The following PPP2CA variants were observed in gnomAD, a reference collection of about 807,000 sequenced individuals.
PPP2CA encodes protein phosphatase 2 catalytic subunit alpha.
In PPP2CA, 5 loss-of-function variants were observed where a neutral mutation model predicts 38.8. The ratio of observed to expected loss-of-function variants is 0.13; its 90% CI spans 0.07 to 0.27. The LOEUF (loss-of-function observed/expected upper bound fraction) is 0.27. PPP2CA is among the 10% of genes least tolerant of loss of function. PPP2CA has a pLI of 1.00. For missense variants in PPP2CA, 88 were observed against 389.7 expected (o/e 0.23, Z 6.52); for synonymous variants, 152 against 134.0 (o/e 1.13, Z -0.93).
intron 1 of PPP2CA, among the ~76,000 whole-genome samples, chr5:134,224,850 A>G (rs1203539044): frequency 6.6e-6 from 1 of 152,272 alleles, no homozygotes; most frequent in East Asian, 1.9e-4. Context: ...CTGGAATACA[A>G]TCTCAGTCGA....
chr5:134,212,674 A>G (rs1303638584), intron 1 of PPP2CA, among the ~76,000 whole-genome samples: 5 of 152,256 alleles, frequency 3.3e-5, no homozygotes, highest in Non-Finnish European at 7.3e-5. Flanking sequence ...ACAGGCCTAA[A>G]GGTAGGCTTC....
intron 1 of PPP2CA, among the ~76,000 whole-genome samples, chr5:134,212,555 C>A (rs1042235144): frequency 3.6e-4 from 55 of 152,060 alleles, no homozygotes; most frequent in African/African-American, 1.2e-3. Context: ...AATTAATAAC[C>A]CTACAATGGC....
At chr5:134,223,606 T>G (rs1367103729) in intron 1 of PPP2CA, among the ~76,000 whole-genome samples, 2 of 152,200 alleles carry the variant, frequency 1.3e-5, no homozygotes, top group Non-Finnish European at 2.9e-5. Flanking sequence ...CAATGGAGAT[T>G]TACCTCACTA....
intron 5 of PPP2CA, among the ~76,000 whole-genome samples, chr5:134,199,916 T>C (rs1761938789): frequency 6.6e-6 from 1 of 152,210 alleles, no homozygotes; most frequent in Middle Eastern, 3.2e-3. Flanking sequence ...TTTGCCTCTT[T>C]CCCTTCTTTC....
In PPP2CA at chr5:134,225,802, G is replaced by A; in HGVS notation, c.60C>T (p.Cys20=). The A allele has an allele frequency of 4.3e-6, 7 of 1,610,896 alleles. No homozygotes were observed. Among genetic ancestry groups the A allele is most frequent in the Non-Finnish European group, 5.1e-6 (6 of 1,179,204 alleles). The change falls in exon 1 of 7, where the codon TGC becomes TGT. Residue 20 remains cysteine (C), a synonymous_variant. Transcript: ENST00000481195. ...LDQWIEQLNE[C]KQLSESQVKS... is the part of the protein sequence containing the mutation. ...TGACCTGGGACTCGGACAGCTGCTTGCACTCGTTCAGCTGCTCGATCCACT... is the reference window on the plus strand; with the variant it reads ...TGACCTGGGACTCGGACAGCTGCTTACACTCGTTCAGCTGCTCGATCCACT...
chr5:134,197,800 G>A lies in PPP2CA; in HGVS notation c.902C>T (p.Thr301Ile). Residue 301 changes from threonine to isoleucine, a missense_variant, in exon 7 of 7, where the codon ACT (threonine) becomes ATT (isoleucine). Coordinates refer to ENST00000481195, the MANE Select transcript of PPP2CA (RefSeq NM_002715.4). Reference protein sequence around the residue: ...PAPRRGEPHVTRRTPDYFL With the variant: ...PAPRRGEPHVIRRTPDYFL ...CAGGAAGTAGTCTGGGGTACGACGA[G>A]TAACATGTGGCTCGCCTCTACGAGG... is the stretch of plus-strand genomic sequence containing the variant. 1 of 1,614,114 alleles carries A rather than the reference G, an allele frequency of 6.2e-7. No individual in the cohort carries two copies. The highest frequency in any genetic ancestry group is 8.5e-7 in the Non-Finnish European group (1 of 1,179,990).
At chr5:134,216,051 G>C (rs748501070) in intron 1 of PPP2CA, among the ~76,000 whole-genome samples, 1 of 152,118 alleles carries the variant, frequency 6.6e-6, no homozygotes, top group Non-Finnish European at 1.5e-5. Context: ...TTCATCAGAT[G>C]TCCAGCAAAA....
rs1761957513 is a variant in PPP2CA, at chr5:134,200,982, T to C, written c.576+3A>G. ...AAAGAATTTTATCAAATAAAAGTCA[T>C]ACCTCATGGGGAACTTCTTGTAGGC... On this transcript the variant is annotated splice_donor_region_variant and intron_variant, in intron 4 of 6. Coordinates refer to ENST00000481195, the MANE Select transcript of PPP2CA (RefSeq NM_002715.4). 6.3e-7 allele frequency: 1 copy of C among 1,596,048 alleles called. No individual in the cohort carries two copies. Among genetic ancestry groups the C allele is most frequent in the Non-Finnish European group, 8.6e-7 (1 of 1,163,614 alleles).
chr5:134,215,850 C>G (rs1762307701), intron 1 of PPP2CA, among the ~76,000 whole-genome samples: 1 of 152,276 alleles, frequency 6.6e-6, no homozygotes, highest in African/African-American at 2.4e-5. Flanking sequence ...CAAATGCTAT[C>G]TCAGAGAAAA....
intron 1 of PPP2CA, 78 bp downstream of exon 1, chr5:134,225,682 T>G (rs904283894): frequency 5.8e-6 from 8 of 1,381,722 alleles, no homozygotes; most frequent in Non-Finnish European, 7.0e-6. Context: ...CTCCGCCATG[T>G]TGCACCCTCC....
At chr5:134,212,803 CAA>C (rs1217930952) in intron 1 of PPP2CA, among the ~76,000 whole-genome samples, 4 of 152,186 alleles carry the variant, frequency 2.6e-5, no homozygotes, top group African/African-American at 9.7e-5. Context: ...CAGATACGGA[CAA>C]AGTTTTAGTG....
chr5:134,204,596 G>A (rs1580639694), intron 2 of PPP2CA, among the ~76,000 whole-genome samples: 2 of 152,076 alleles, frequency 1.3e-5, no homozygotes, highest in Non-Finnish European at 2.9e-5. Flanking sequence ...GAGTAGCTGA[G>A]ACTACAAGCA....
chr5:134,214,847 A>G (rs1762283138), intron 1 of PPP2CA, among the ~76,000 whole-genome samples: 1 of 152,078 alleles, frequency 6.6e-6, no homozygotes, highest in Non-Finnish European at 1.5e-5. Context: ...TACAATTATT[A>G]AGAAAAGTTA....
chr5:134,202,344 A>C (rs1018505020), intron 2 of PPP2CA: 5 of 213,714 alleles, frequency 2.3e-5, no homozygotes, highest in Non-Finnish European at 4.6e-5. Flanking sequence ...CAATCACCAC[A>C]ATCCAGTTTT....
rs56672370 is a variant in PPP2CA at position 134,224,302 on chromosome 5, G to A, written c.102+1458C>T. 2,394 of 455,776 alleles carry A rather than the reference G, an allele frequency of 5.3e-3. 44 individuals carry two copies. The highest frequency in any genetic ancestry group is 0.043 in the African/African-American group (2,168 of 50,090). The allele number at this position is 455,776 out of a possible 1,614,324, so 28.2% of individuals were successfully genotyped here. A position where few individuals can be genotyped will look rare whatever the true frequency, so the allele number is the denominator to read the frequency against. On this transcript the variant is annotated intron_variant, in intron 1 of 6. Coordinates refer to ENST00000481195, the MANE Select transcript of PPP2CA (RefSeq NM_002715.4). ...AAAGAAACAGGAGATTCAATACATC[G>A]CTACCATTAAAAGGCATCTCCAACA...
intron 1 of PPP2CA, among the ~76,000 whole-genome samples, chr5:134,211,418 AC>A (rs1490116524): frequency 6.6e-6 from 1 of 152,162 alleles, no homozygotes; most frequent in African/African-American, 2.4e-5. Flanking sequence ...GAAATTACAA[AC>A]AAAGCAGGCT....
rs1479689257 is a variant in PPP2CA at position 134,194,423 on chromosome 5, TACTAA to T, written c.*3344_*3348del. 6.6e-6 allele frequency: 1 copy of T among 152,236 alleles called. No homozygotes were observed. The highest frequency in any genetic ancestry group is 1.5e-5 in the Non-Finnish European group (1 of 68,050). The allele number at this position is 152,236 out of a possible 1,614,324, so 9.4% of individuals were successfully genotyped here. ...ACAAGCCTATTACCAAACTATAGGT[TACTAA>T]ACTATAGGCCCATTTCTAAGAACAC... is the stretch of plus-strand genomic sequence containing the variant. On this transcript the variant is annotated 3_prime_UTR_variant, in exon 7 of 7. Coordinates refer to ENST00000481195, the MANE Select transcript of PPP2CA (RefSeq NM_002715.4).
At chr5:134,223,339 A>G (rs888887650) in intron 1 of PPP2CA, among the ~76,000 whole-genome samples, 3 of 152,210 alleles carry the variant, frequency 2.0e-5, no homozygotes, top group Admixed American at 2.0e-4. Context: ...GTTTTACTAG[A>G]AAGACTTGTA....
intron 2 of PPP2CA, among the ~76,000 whole-genome samples, chr5:134,203,059 T>A (rs1431531425): frequency 6.6e-6 from 1 of 152,240 alleles, no homozygotes; most frequent in African/African-American, 2.4e-5. Context: ...TTTGCCCATT[T>A]TACAATTATC....
Sources: gnomAD v4.1 joint callset for allele counts (sites outside exome capture counted in the v4.1 genomes callset) on GRCh38, gnomAD v4.1.1 for gene constraint, MANE v1.5 for transcripts, NCBI Gene and HGNC (gene_info 2026-07-23, HGNC 2026-07-21) for gene names.